The following DBT variants were observed in gnomAD, a reference collection of about 807,000 sequenced individuals.
DBT encodes dihydrolipoamide branched chain transacylase E2, also known as lipoamide acyltransferase component of branched-chain alpha-keto acid dehydrogenase complex, mitochondrial.
Under a neutral mutation model 51.3 loss-of-function variants are expected in DBT, and 40 were observed. The ratio of observed to expected loss-of-function variants is 0.78; its 90% CI spans 0.61 to 1.02. The LOEUF (loss-of-function observed/expected upper bound fraction) is 1.02, where lower values mean the gene tolerates loss of function less well. DBT is among the 50% of genes least tolerant of loss of function. The probability of loss-of-function intolerance (pLI) is 0.00; values close to 1 mark genes in which losing one functional copy is unlikely to be tolerated. For missense variants in DBT, 510 were observed against 580.2 expected, an observed-to-expected ratio of 0.88 and a Z score of 1.24; for synonymous variants, 181 against 190.4, an observed-to-expected ratio of 0.95 and a Z score of 0.41.
intron 10 of DBT, among the ~76,000 whole-genome samples, chr1:100,203,983 A>G (rs537577060): frequency 6.6e-6 from 1 of 152,224 alleles, no homozygotes; most frequent in Non-Finnish European, 1.5e-5. Context: ...TGATAAACCC[A>G]CAGCCAATAT....
chr1:100,249,816 G>A lies in DBT; in HGVS notation c.5C>T (p.Ala2Val), dbSNP rs398123672. The change falls in exon 1 of 11, where the codon GCT (alanine) becomes GTT (valine). Residue 2 changes from alanine to valine, a missense_variant. Ala to Val is a moderately conservative substitution (Grantham distance 64). Coordinates refer to ENST00000370132, the MANE Select transcript of DBT (RefSeq NM_001918.5). ...CCAGGTTCTCAGCATACGGACTGCAGCCATCTTACCCCGGAAATGACAACA... is the reference window on the plus strand; with the variant it reads ...CCAGGTTCTCAGCATACGGACTGCAACCATCTTACCCCGGAAATGACAACA... The part of the protein sequence containing the change: M[A>V]AVRMLRTWSR... The A allele has an allele frequency of 5.0e-6, 8 of 1,614,210 alleles. No individual in the cohort carries two copies. The highest frequency in any genetic ancestry group is 5.9e-6 in the Non-Finnish European group (7 of 1,180,020).
intron 7 of DBT, chr1:100,213,226 G>A: frequency 6.4e-6 from 6 of 938,146 alleles, no homozygotes; most frequent in Non-Finnish European, 7.1e-6. Context: ...CTGCCTCAGA[G>A]GGGCCCGAGC....
At chr1:100,231,564 C>T (rs1449619815) in intron 3 of DBT, among the ~76,000 whole-genome samples, 1 of 152,096 alleles carries the variant, frequency 6.6e-6, no homozygotes, top group Non-Finnish European at 1.5e-5. Context: ...TGACTTATTG[C>T]CAGCAACAGA....
At chr1:100,216,252 TAAAG>T in intron 5 of DBT, 53 bp from the exon 6 acceptor site, 3 of 1,293,530 alleles carry the variant, frequency 2.3e-6, no homozygotes, top group Admixed American at 1.7e-5. Context: ...AAAACATCAT[TAAAG>T]TTTCAAAATG....
At chr1:100,228,362 T>A (rs146524385) in intron 4 of DBT, among the ~76,000 whole-genome samples, 1 of 152,216 alleles carries the variant, frequency 6.6e-6, no homozygotes, top group East Asian at 1.9e-4. Flanking sequence ...CTAGGTGCAA[T>A]GTATGGTCCT....
chr1:100,226,937 G>A (rs1570831728), intron 4 of DBT, among the ~76,000 whole-genome samples: 1 of 152,202 alleles, frequency 6.6e-6, no homozygotes, highest in Non-Finnish European at 1.5e-5. Flanking sequence ...AATGATGGGA[G>A]TATGTTCTGA....
chr1:100,230,114 T>C (rs1290256764), intron 4 of DBT, among the ~76,000 whole-genome samples: 1 of 152,200 alleles, frequency 6.6e-6, no homozygotes, highest in Non-Finnish European at 1.5e-5. Context: ...ATTTTTGTTC[T>C]TTGTGGCCAG....
At chr1:100,210,395 T>G (rs1662069646) in intron 8 of DBT, 1 of 163,602 alleles carries the variant, frequency 6.1e-6, no homozygotes, top group South Asian at 2.0e-4. Context: ...TTGAAAGAGC[T>G]GCTTCTTTTT....
Position 100,214,922 on chromosome 1 carries a change from A to G in DBT, c.834T>C (p.Tyr278=), listed in dbSNP as rs2100797369. The G allele has an allele frequency of 6.2e-7, 1 of 1,613,330 alleles. No homozygotes were observed. The highest frequency in any genetic ancestry group is 8.5e-7 in the Non-Finnish European group (1 of 1,179,238). Residue 278 remains tyrosine (Y), a synonymous_variant, in exon 7 of 11, where the codon TAT becomes TAC. Coordinates refer to ENST00000370132, the MANE Select transcript of DBT (RefSeq NM_001918.5). ...GTTCAGTAAGGTCAATCTCATCACA[A>G]TAACCAAAATGAGGTATCTTCAGGG... ...SAALKIPHFG[Y]CDEIDLTELV...
chr1:100,249,221 T>G, intron 1 of DBT: 2 of 360,228 alleles, frequency 5.6e-6, no homozygotes, highest in Non-Finnish European at 8.0e-6. Flanking sequence ...TGGTGATGGG[T>G]CACAGCCTTG....
At chr1:100,213,699 A>G in intron 7 of DBT, 3 of 1,596,256 alleles carry the variant, frequency 1.9e-6, no homozygotes, top group Non-Finnish European at 2.6e-6. Context: ...CCTTTCCTAC[A>G]CCCAGCTCTC....
intron 10 of DBT, among the ~76,000 whole-genome samples, chr1:100,199,698 G>A (rs1023796697): frequency 2.0e-5 from 3 of 152,112 alleles, no homozygotes; most frequent in African/African-American, 7.2e-5. Flanking sequence ...TGAGGTACCC[G>A]GTTCATCTCA....
chr1:100,244,566 T>C, intron 1 of DBT, among the ~76,000 whole-genome samples: 1 of 152,200 alleles, frequency 6.6e-6, no homozygotes, highest in Non-Finnish European at 1.5e-5. Flanking sequence ...TATCTCCTTA[T>C]GTGCAGTGGA....
At position 100,187,310 on chromosome 1, in the gene DBT, A is replaced by G. The variant is rs1557935052; in HGVS notation, c.*8945T>C. Reference sequence around the variant, plus strand: ...CCCTTCGGTGTCAAATGATACAGAAATGGCACTGGTTTCCTATATGTTGAC... The same window carrying G: ...CCCTTCGGTGTCAAATGATACAGAAGTGGCACTGGTTTCCTATATGTTGAC... On this transcript the variant is annotated 3_prime_UTR_variant, in exon 11 of 11. Transcript: ENST00000370132. 6.6e-6 allele frequency: 1 copy of G among 152,230 alleles called. No homozygotes were observed. The highest frequency in any genetic ancestry group is 2.4e-5 in the African/African-American group (1 of 41,458). The allele number at this position is 152,230 out of a possible 1,614,324, so 9.4% of individuals were successfully genotyped here.
chr1:100,226,898 A>G (rs1420852947), intron 4 of DBT, among the ~76,000 whole-genome samples: 1 of 152,340 alleles, frequency 6.6e-6, no homozygotes, highest in East Asian at 1.9e-4. Flanking sequence ...AACACATGAA[A>G]TCAGTTGAAA....
At chr1:100,244,579 C>T (rs954538410) in intron 1 of DBT, among the ~76,000 whole-genome samples, 2 of 152,118 alleles carry the variant, frequency 1.3e-5, no homozygotes, top group East Asian at 1.9e-4. Flanking sequence ...GCAGTGGACA[C>T]GTTCAAGATC....
intron 4 of DBT, among the ~76,000 whole-genome samples, chr1:100,221,793 A>G (rs1043134663): frequency 2.6e-5 from 4 of 152,216 alleles, no homozygotes; most frequent in African/African-American, 7.2e-5. Context: ...AAGCAAATTT[A>G]TAATAAAACC....
Position 100,187,333 on chromosome 1 carries a change from G to A in DBT, c.*8922C>T, listed in dbSNP as rs943035214. On this transcript the variant is annotated 3_prime_UTR_variant, in exon 11 of 11. Transcript: ENST00000370132. ...AAATGGCACTGGTTTCCTATATGTTGACTGAGATACTTTTTACTGCATAGC... is the reference window on the plus strand; with the variant it reads ...AAATGGCACTGGTTTCCTATATGTTAACTGAGATACTTTTTACTGCATAGC... The A allele has an allele frequency of 3.3e-5, 5 of 152,124 alleles. No homozygotes were observed. Among genetic ancestry groups the A allele is most frequent in the Admixed American group, 1.3e-4 (2 of 15,266 alleles). 9.4% of individuals were successfully genotyped at this position (152,124 alleles called of 1,614,324 possible).
rs79471979 is a variant in DBT, at chr1:100,191,860, C to T, written c.*4395G>A. 0.046 allele frequency: 6,986 copies of T among 152,420 alleles called. 191 individuals are homozygous for T. The highest frequency in any genetic ancestry group is 0.063 in the African/African-American group (2,631 of 41,448). 9.4% of individuals were successfully genotyped at this position (152,420 alleles called of 1,614,324 possible). A position where few individuals can be genotyped will look rare whatever the true frequency, so the allele number is the denominator to read the frequency against. ...AGCGCAATGGCACAATCTCAGCTCACGGCAGCCTTTGCCCCCAGATGCAAG... is the reference window on the plus strand; with the variant it reads ...AGCGCAATGGCACAATCTCAGCTCATGGCAGCCTTTGCCCCCAGATGCAAG... On this transcript the variant is annotated 3_prime_UTR_variant, in exon 11 of 11. Transcript: ENST00000370132.
Sources: allele counts gnomAD v4.1 joint callset (sites outside exome capture counted in the v4.1 genomes callset), GRCh38; gene constraint gnomAD v4.1.1; transcripts MANE v1.5; gene names NCBI Gene and HGNC (gene_info 2026-07-23, HGNC 2026-07-21).